Variants in ETV4 observed in about 807,000 individuals in gnomAD.
ETV4 encodes the protein ETS variant transcription factor 4.
A neutral mutation model predicts 65.9 loss-of-function variants in ETV4; 42 were observed. The observed-to-expected ratio is 0.64, with a 90% confidence interval of 0.50 to 0.82. The LOEUF (loss-of-function observed/expected upper bound fraction) is 0.82. Among genes scored for constraint, ETV4 ranks in the 40% least tolerant of loss-of-function variants. The pLI, the probability that ETV4 is intolerant of heterozygous loss-of-function variation, is 0.00. For synonymous variants in ETV4, 238 were observed against 260.0 expected (o/e 0.92, Z 0.81); for missense variants, 583 against 630.3 (o/e 0.92, Z 0.80).
In ETV4 at chr17:43,528,676, G is replaced by A. The variant is rs58471799; in HGVS notation, c.1298C>T (p.Pro433Leu). The change falls in exon 13 of 13, where the codon CCG (proline) becomes CTG (leucine). Residue 433 changes from proline (P) to leucine (L), a missense_variant. Transcript: ENST00000319349. ...CTTGAGAGCTGGACGCTGATTGTCC[G>A]GGAAGGCCAAAGAGAAGAGGGCCTC... ...EPEALFSLAF[P>L]DNQRPALKAE... 291 of 1,614,184 alleles carry A rather than the reference G, an allele frequency of 1.8e-4. No homozygotes were observed. In the East Asian group the frequency reaches 4.6e-3, roughly 26 times the overall value.
chr17:43,531,978 A>G (rs1744283326), intron 8 of ETV4, among the ~76,000 whole-genome samples: 1 of 152,178 alleles, frequency 6.6e-6, no homozygotes, highest in Non-Finnish European at 1.5e-5. Context: ...TTCCCTATTA[A>G]GTCACAAGCT....
In ETV4 at chr17:43,533,993, G is replaced by T; in HGVS notation, c.257-8C>A. On this transcript the variant is annotated splice_polypyrimidine_tract_variant and splice_region_variant and intron_variant, in intron 5 of 12. Transcript: ENST00000319349. Reference sequence around the variant, plus strand: ...TGGGGCTGTGGAAAGCTACTGTGGGGGTGGAGGGGACAGAGCAAGGCCAGA... The same window carrying T: ...TGGGGCTGTGGAAAGCTACTGTGGGTGTGGAGGGGACAGAGCAAGGCCAGA... 1 of 1,523,836 alleles carries T rather than the reference G, an allele frequency of 6.6e-7. No homozygotes were observed. The highest frequency in any genetic ancestry group is 8.7e-7 in the Non-Finnish European group (1 of 1,148,586). The allele number at this position is 1,523,836 out of a possible 1,614,324, so 94.4% of individuals were successfully genotyped here. A position where few individuals can be genotyped will look rare whatever the true frequency, so the allele number is the denominator to read the frequency against.
At chr17:43,545,442 G>T in intron 2 of ETV4, 75 bp from the exon 3 acceptor site, 1 of 1,458,284 alleles carries the variant, frequency 6.9e-7, no homozygotes, top group Non-Finnish European at 9.3e-7. Context: ...GGGTCCTCGG[G>T]TGACTCAGGG....
intron 4 of ETV4, 139 bp from the exon 5 acceptor site, chr17:43,536,618 A>T (rs564739996): frequency 3.2e-5 from 22 of 679,376 alleles, no homozygotes; most frequent in South Asian, 2.9e-4. Flanking sequence ...ACATTGTAAG[A>T]ATTGTCTTGG....
At chr17:43,541,996 C>T (rs1284072010) in intron 4 of ETV4, among the ~76,000 whole-genome samples, 2 of 152,178 alleles carry the variant, frequency 1.3e-5, no homozygotes, top group Non-Finnish European at 2.9e-5. Context: ...TTTTACTTCA[C>T]TCTTGCAGCA....
intron 8 of ETV4, among the ~76,000 whole-genome samples, chr17:43,531,324 G>T (rs1262228913): frequency 6.6e-6 from 1 of 152,170 alleles, no homozygotes; most frequent in Non-Finnish European, 1.5e-5. Context: ...GCCCTCCTTC[G>T]GCCCTTGAGG....
Position 43,528,535 on chromosome 17 carries a change from C to T in ETV4, c.1439G>A (p.Gly480Asp). ...AGPAQPFGPK[G>D]GYSY Reference sequence around the variant, plus strand: ...CGCTGGGGGCTAGTAAGAGTAGCCACCCTTGGGGCCAAATGGCTGGGCGGG... The same window carrying T: ...CGCTGGGGGCTAGTAAGAGTAGCCATCCTTGGGGCCAAATGGCTGGGCGGG... The change falls in exon 13 of 13, where the codon GGT (glycine) becomes GAT (aspartate). Residue 480 changes from glycine (G) to aspartate (D), a missense_variant. By Grantham distance (94) the Gly-to-Asp change is moderately conservative (BLOSUM62 -1). Transcript: ENST00000319349. 6.2e-7 allele frequency: 1 copy of T among 1,611,222 alleles called. No individual in the cohort carries two copies. Among genetic ancestry groups the T allele is most frequent in the Non-Finnish European group, 8.5e-7 (1 of 1,178,464 alleles).
intron 4 of ETV4, among the ~76,000 whole-genome samples, chr17:43,541,948 C>T (rs1269074520): frequency 1.3e-5 from 2 of 152,158 alleles, no homozygotes; most frequent in Non-Finnish European, 2.9e-5. Flanking sequence ...TGTACATGCA[C>T]TCGGACGCAT....
Position 43,528,709 on chromosome 17 carries a change from C to T in ETV4, c.1265G>A (p.Cys422Tyr). ...AGERYVYKFV[C>Y]EPEALFSLAF... is the part of the protein sequence containing the mutation. ...CAAAGAGAAGAGGGCCTCGGGCTCA[C>T]ACACAAACTTGTACACGTAACGCTC... Residue 422 changes from cysteine (C) to tyrosine (Y), a missense_variant, in exon 13 of 13, where the codon TGT (cysteine) becomes TAT (tyrosine). Physicochemically the swap from Cys to Tyr is radical, Grantham distance 194 (BLOSUM62 -2). Coordinates refer to ENST00000319349, the MANE Select transcript of ETV4 (RefSeq NM_001079675.5). 6.2e-7 allele frequency: 1 copy of T among 1,614,168 alleles called. No homozygotes were observed.
At chr17:43,533,121 T>C (rs1354231624) in intron 7 of ETV4, 66 bp downstream of exon 7, 33 of 1,580,584 alleles carry the variant, frequency 2.1e-5, no homozygotes, top group Non-Finnish European at 2.6e-5. Context: ...CAAGTCTTTA[T>C]GGAGAACACT....
At chr17:43,537,234 C>T (rs554762390) in intron 4 of ETV4, among the ~76,000 whole-genome samples, 4 of 151,890 alleles carry the variant, frequency 2.6e-5, no homozygotes, top group Admixed American at 6.6e-5. Context: ...GTCGTGTTGG[C>T]GGGAGCCTAT....
chr17:43,533,253 C>G lies in ETV4; in HGVS notation c.479G>C (p.Arg160Pro). 1 of 1,613,952 alleles carries G rather than the reference C, an allele frequency of 6.2e-7. No individual in the cohort carries two copies. The highest frequency in any genetic ancestry group is 8.5e-7 in the Non-Finnish European group (1 of 1,179,952). Reference protein sequence around the residue: ...PLQPFPRAEQRNFLRSSGTSQ... With the variant: ...PLQPFPRAEQPNFLRSSGTSQ... ...GGTGCCAGAGGATCTCAGGAAATTC[C>G]GTTGCTCTGCCCGGGGAAAGGGCTG... Residue 160 changes from arginine to proline, a missense_variant, in exon 7 of 13, where the codon CGG becomes CCG. By Grantham distance (103) the Arg-to-Pro change is moderately radical. Transcript: ENST00000319349.
chr17:43,530,806 G>A (rs1970887158), intron 8 of ETV4, among the ~76,000 whole-genome samples: 1 of 152,042 alleles, frequency 6.6e-6, no homozygotes, highest in African/African-American at 2.4e-5. Context: ...ACCCGTTCAA[G>A]TTCCAACCCC....
In ETV4 at chr17:43,528,616, G is replaced by A. The variant is rs1246028135; in HGVS notation, c.1358C>T (p.Thr453Ile). The change falls in exon 13 of 13, where the codon ACA (threonine) becomes ATA (isoleucine). Residue 453 changes from threonine to isoleucine, a missense_variant. Physicochemically the swap from Thr to Ile is moderately conservative, Grantham distance 89 (BLOSUM62 -1). Transcript: ENST00000319349. ...EFDRPVSEED[T>I]VPLSHLDESP... ...CTCATCCAAGTGGGACAAAGGGACT[G>A]TGTCCTCCTCACTGACAGGCCGGTC... is the stretch of plus-strand genomic sequence containing the variant. The A allele has an allele frequency of 1.9e-6, 3 of 1,614,032 alleles. No individual in the cohort carries two copies. Among genetic ancestry groups the A allele is most frequent in the Non-Finnish European group, 2.5e-6 (3 of 1,180,000 alleles).
At chr17:43,529,362 G>T in intron 11 of ETV4, 126 bp from the exon 12 acceptor site, 2 of 1,391,136 alleles carry the variant, frequency 1.4e-6, no homozygotes, top group Non-Finnish European at 2.0e-6. Context: ...CAAAGCATCA[G>T]CCCACAGACT....
intron 6 of ETV4, 50 bp downstream of exon 6, chr17:43,533,809 T>C (rs192287200): frequency 1.9e-6 from 3 of 1,592,866 alleles, no homozygotes; most frequent in Non-Finnish European, 2.6e-6. Flanking sequence ...CCTGCCTCCC[T>C]CCTCTGGAAC....
chr17:43,541,909 C>T (rs982332246), intron 4 of ETV4, among the ~76,000 whole-genome samples: 1 of 152,172 alleles, frequency 6.6e-6, no homozygotes, highest in Non-Finnish European at 1.5e-5. Context: ...TTAACCTCAT[C>T]CCTCCCCACA....
chr17:43,528,720 GT>G lies in ETV4; in HGVS notation c.1253del (p.Tyr418SerfsTer87). 4 of 1,614,140 alleles carry G rather than the reference GT, an allele frequency of 2.5e-6. No individual in the cohort carries two copies. The highest frequency in any genetic ancestry group is 3.4e-6 in the Non-Finnish European group (4 of 1,180,012). On this transcript the variant is annotated frameshift_variant, in exon 13 of 13. Transcript: ENST00000319349. LOFTEE classifies it high-confidence loss of function. Reference sequence around the variant, plus strand: ...GGGCCTCGGGCTCACACACAAACTTGTACACGTAACGCTCACCAGCCACCTA... The same window carrying G: ...GGGCCTCGGGCTCACACACAAACTTGACACGTAACGCTCACCAGCCACCTA... ...MQKVAGERYV[Y>X]KFVCEPEALF...
At chr17:43,530,619 T>C (rs199966014) in intron 8 of ETV4, among the ~76,000 whole-genome samples, 31,860 of 151,440 alleles carry the variant, frequency 0.21, 3,741 homozygotes, top group East Asian at 0.32. Flanking sequence ...CGTGTGTGTG[T>C]GTGTGTGTGT....
Sources: allele counts gnomAD v4.1 joint callset (sites outside exome capture counted in the v4.1 genomes callset), GRCh38; gene constraint gnomAD v4.1.1; transcripts MANE v1.5; gene names NCBI Gene and HGNC (gene_info 2026-07-23, HGNC 2026-07-21).